The following EML1 variants were observed in gnomAD, a reference collection of about 807,000 sequenced individuals.
EML1 encodes EMAP like 1, also known as echinoderm microtubule-associated protein-like 1.
In EML1, 27 loss-of-function variants were observed where a neutral mutation model predicts 110.4. The observed-to-expected ratio is 0.24, with a 90% CI of 0.18 to 0.34. The LOEUF is 0.34. EML1 is among the 10% of genes least tolerant of loss of function. EML1 has a pLI of 1.00. For missense variants in EML1, 741 were observed against 1,030.9 expected, an observed-to-expected ratio of 0.72 and a Z score of 3.85; for synonymous variants, 344 against 385.8, an observed-to-expected ratio of 0.89 and a Z score of 1.27.
chr14:99,910,477 A>G, intron 12 of EML1, 136 bp downstream of exon 12: 1 of 641,814 alleles, frequency 1.6e-6, no homozygotes, highest in Non-Finnish European at 2.6e-6. Context: ...ACACACACAT[A>G]CATGTGTGCA....
intron 4 of EML1, among the ~76,000 whole-genome samples, chr14:99,881,633 G>T (rs1216687238): frequency 1.4e-5 from 2 of 144,028 alleles, no homozygotes. Context: ...ATGGAGTCTC[G>T]CTCTGTCACC....
upstream of EML1, among the ~76,000 whole-genome samples, chr14:99,791,834 G>A (rs774152776): frequency 4.7e-4 from 72 of 152,124 alleles, no homozygotes; most frequent in Non-Finnish European, 7.9e-4. Context: ...CAGCTCTTGG[G>A]GCCTCTCTTA....
chr14:99,885,025 C>T (rs1247472584), intron 4 of EML1, among the ~76,000 whole-genome samples: 4 of 152,232 alleles, frequency 2.6e-5, no homozygotes, highest in Non-Finnish European at 1.5e-5. Flanking sequence ...GCTCTCCTCC[C>T]TTCACCATGC....
chr14:99,831,521 A>G (rs1374322162), intron 1 of EML1, among the ~76,000 whole-genome samples: 2 of 152,152 alleles, frequency 1.3e-5, no homozygotes, highest in African/African-American at 4.8e-5. Context: ...TGGGATTTTG[A>G]AAGCTATTCT....
At chr14:99,860,854 C>G (rs1308707170) in intron 2 of EML1, among the ~76,000 whole-genome samples, 2 of 151,934 alleles carry the variant, frequency 1.3e-5, no homozygotes, top group East Asian at 3.9e-4. Context: ...ATTTTTCTTT[C>G]ATGATCTCTC....
chr14:99,910,752 C>A (rs544557884), intron 12 of EML1, among the ~76,000 whole-genome samples: 1 of 152,190 alleles, frequency 6.6e-6, no homozygotes, highest in African/African-American at 2.4e-5. Context: ...TGTGAACATA[C>A]AACTGAGTCA....
chr14:99,845,406 TATTTCTCATTCA>T (rs1444373303), intron 1 of EML1, among the ~76,000 whole-genome samples: 1 of 152,226 alleles, frequency 6.6e-6, no homozygotes, highest in Non-Finnish European at 1.5e-5. Flanking sequence ...AAGTTCTTTA[TATTTCTCATTCA>T]ATAGAGAGAA....
intron 1 of EML1, among the ~76,000 whole-genome samples, chr14:99,812,652 G>T (rs1451819831): frequency 6.6e-6 from 1 of 152,086 alleles, no homozygotes; most frequent in East Asian, 1.9e-4. Flanking sequence ...TTTAGGGGAG[G>T]TTGGAAGCAG....
At chr14:99,741,637 C>T (rs1317370310) in intron 1 of EML1, among the ~76,000 whole-genome samples, 1 of 145,234 alleles carries the variant, frequency 6.9e-6, no homozygotes, top group African/African-American at 2.5e-5. Flanking sequence ...CACCCCCCCC[C>T]AGACCTCACA....
upstream of EML1, among the ~76,000 whole-genome samples, chr14:99,768,228 C>A (rs926966329): frequency 2.6e-5 from 4 of 152,214 alleles, no homozygotes; most frequent in Non-Finnish European, 4.4e-5. Context: ...GGAAATCCAG[C>A]CATTACAATG....
intron 1 of EML1, among the ~76,000 whole-genome samples, chr14:99,839,435 C>T (rs1024279322): frequency 2.0e-5 from 3 of 152,134 alleles, no homozygotes; most frequent in Non-Finnish European, 4.4e-5. Context: ...ACTAGGTCTG[C>T]CCCAGAAGGA....
chr14:99,825,828 A>G (rs2058342390), intron 1 of EML1, among the ~76,000 whole-genome samples: 1 of 152,194 alleles, frequency 6.6e-6, no homozygotes, highest in South Asian at 2.1e-4. Context: ...GTCGAGGTGA[A>G]TATGCTTGGA....
intron 2 of EML1, among the ~76,000 whole-genome samples, chr14:99,861,638 C>T (rs989986353): frequency 3.3e-5 from 5 of 152,054 alleles, no homozygotes; most frequent in South Asian, 4.2e-4. Context: ...CATGTCACCA[C>T]GCCTGGCTAA....
At chr14:99,758,360 C>G (rs1345653348) in intron 1 of EML1, among the ~76,000 whole-genome samples, 1 of 152,196 alleles carries the variant, frequency 6.6e-6, no homozygotes, top group Non-Finnish European at 1.5e-5. Flanking sequence ...GTTCTGCCAA[C>G]ATGAAGCATA....
chr14:99,809,361 C>G (rs4905898), intron 1 of EML1: 72,172 of 161,526 alleles, frequency 0.45, 16,179 homozygotes, highest in South Asian at 0.57. Flanking sequence ...TTTAATTCCT[C>G]TTCTCCCTCA....
Position 99,909,367 on chromosome 14 carries a change from CTG to C in EML1, c.1128_1129del (p.Ala377GlyfsTer29). On this transcript the variant is annotated frameshift_variant, in exon 11 of 22. Transcript: ENST00000262233. LOFTEE classifies it high-confidence loss of function. ...TAGTGCTCTAATGAAGCTGTGTTTG[CTG>C]CGGATTTCCACCCCACGGACACCAA... 4.3e-6 allele frequency: 7 copies of C among 1,614,178 alleles called. No individual in the cohort carries two copies. The highest frequency in any genetic ancestry group is 5.9e-6 in the Non-Finnish European group (7 of 1,180,036).
At chr14:99,811,791 C>T (rs567026682) in intron 1 of EML1, among the ~76,000 whole-genome samples, 1 of 148,718 alleles carries the variant, frequency 6.7e-6, no homozygotes, top group South Asian at 2.2e-4. Flanking sequence ...GACTAGGCAA[C>T]AGGAATGAGA....
At chr14:99,874,868 T>C in intron 3 of EML1, 5 of 1,481,436 alleles carry the variant, frequency 3.4e-6, no homozygotes, top group Non-Finnish European at 4.6e-6. Context: ...AAAATACTTT[T>C]CCACGCTTTT....
chr14:99,880,885 C>G (rs150291537), intron 4 of EML1, among the ~76,000 whole-genome samples: 20 of 152,286 alleles, frequency 1.3e-4, no homozygotes, highest in African/African-American at 4.8e-4. Flanking sequence ...TGATCGTCAT[C>G]CCTGTGATAG....
Sources: allele counts gnomAD v4.1 joint callset (sites outside exome capture counted in the v4.1 genomes callset), GRCh38; gene constraint gnomAD v4.1.1; transcripts MANE v1.5; gene names NCBI Gene and HGNC (gene_info 2026-07-23, HGNC 2026-07-21).